The following CDKL1 variants were observed in gnomAD, a reference collection of about 807,000 sequenced individuals.
CDKL1 encodes the protein cyclin dependent kinase like 1, also known as cyclin-dependent kinase-like 1.
CDKL1 carries 41 observed loss-of-function variants against 42.0 expected under a neutral mutation model. That is an observed-to-expected ratio of 0.98 (90% CI 0.76 to 1.27). The LOEUF is 1.27. Among genes scored for constraint, CDKL1 ranks in the 50% most tolerant of loss-of-function variants. The pLI is 0.00. For missense variants in CDKL1, 394 were observed against 428.4 expected (o/e 0.92, Z 0.71); for synonymous variants, 153 against 158.6 (o/e 0.96, Z 0.26).
chr14:50,392,609 T>G (rs1012939927), intron 2 of CDKL1, among the ~76,000 whole-genome samples: 8 of 152,006 alleles, frequency 5.3e-5, no homozygotes, highest in African/African-American at 1.9e-4. Flanking sequence ...CTTCCACCTT[T>G]AGTACCTGTC....
At chr14:50,385,176 T>C (rs2139529304) in intron 2 of CDKL1, among the ~76,000 whole-genome samples, 1 of 150,916 alleles carries the variant, frequency 6.6e-6, no homozygotes, top group South Asian at 2.1e-4. Flanking sequence ...CCACAGATTA[T>C]TAATTATAAA....
At chr14:50,355,099 T>C (rs1196104728) in intron 3 of CDKL1, among the ~76,000 whole-genome samples, 1 of 152,096 alleles carries the variant, frequency 6.6e-6, no homozygotes, top group South Asian at 2.1e-4. Flanking sequence ...CTTTTTCCTA[T>C]GTCAATATAT....
At chr14:50,389,610 C>T (rs890528712) in intron 2 of CDKL1, among the ~76,000 whole-genome samples, 1 of 152,002 alleles carries the variant, frequency 6.6e-6, no homozygotes, top group African/African-American at 2.4e-5. Context: ...CACACTTATT[C>T]TCATCTTTGT....
chr14:50,334,491 C>T (rs933870637), intron 8 of CDKL1, 74 bp downstream of exon 8: 14 of 868,122 alleles, frequency 1.6e-5, no homozygotes, highest in Non-Finnish European at 2.3e-5. Context: ...CATGGATTGA[C>T]ATAAGTAATT....
rs2032787621 is a variant in CDKL1 at position 50,328,407 on chromosome 14, T to C, written c.*1667A>G. On this transcript the variant is annotated 3_prime_UTR_variant, in exon 10 of 10. Coordinates refer to ENST00000395834, the MANE Select transcript of CDKL1 (RefSeq NM_004196.7). ...AAACTGCCTAGGGTAGTCAAAATTA[T>C]TGAGTAGACACCAGACCTCAGTGGA... The C allele has an allele frequency of 1.3e-5, 2 of 152,154 alleles. No homozygotes were observed. The highest frequency in any genetic ancestry group is 2.4e-5 in the African/African-American group (1 of 41,424). The allele number at this position is 152,154 out of a possible 1,614,324, so 9.4% of individuals were successfully genotyped here. A position where few individuals can be genotyped will look rare whatever the true frequency, so the allele number is the denominator to read the frequency against.
rs948931111 is a variant in CDKL1 at position 50,364,700 on chromosome 14, A to G, written c.169-5551T>C. 9.2e-5 allele frequency among the ~76,000 whole-genome samples: 14 copies of G among 152,340 alleles called. No individual in the cohort carries two copies. In the East Asian group the frequency reaches 9.6e-4, roughly 10 times the overall value. ...AAGAAGCGCAAGGGCTGTACTGCCAATTACACACAGGCACATACAACAGGG... is the reference window on the plus strand; with the variant it reads ...AAGAAGCGCAAGGGCTGTACTGCCAGTTACACACAGGCACATACAACAGGG... On this transcript the variant is annotated intron_variant, in intron 2 of 9. Transcript: ENST00000395834.
At chr14:50,332,919 T>C in intron 8 of CDKL1, 1 of 377,424 alleles carries the variant, frequency 2.6e-6, no homozygotes. Flanking sequence ...TTTTTTTTTT[T>C]TTTTGGTGTA....
chr14:50,334,920 G>T (rs1367861376), intron 7 of CDKL1: 26 of 190,654 alleles, frequency 1.4e-4, no homozygotes, highest in South Asian at 6.0e-4. Flanking sequence ...TTTCTGAGCA[G>T]TTTTTTTTTT....
intron 5 of CDKL1, among the ~76,000 whole-genome samples, chr14:50,341,780 CAA>C (rs11381667): frequency 2.2e-4 from 28 of 129,210 alleles, no homozygotes; most frequent in Middle Eastern, 3.9e-3. Flanking sequence ...GACCCTGTCT[CAA>C]AAAAAAAAAA....
chr14:50,350,353 A>G (rs1284756642), intron 3 of CDKL1, among the ~76,000 whole-genome samples: 2 of 152,252 alleles, frequency 1.3e-5, no homozygotes, highest in East Asian at 3.8e-4. Flanking sequence ...TAGAACAGGT[A>G]TGAAGAAAAG....
chr14:50,353,575 C>A (rs994416959), intron 3 of CDKL1, among the ~76,000 whole-genome samples: 2 of 152,084 alleles, frequency 1.3e-5, no homozygotes, highest in Non-Finnish European at 2.9e-5. Context: ...TTCACTGTAG[C>A]ATGGTTAGTA....
At chr14:50,360,807 TGTGTG>T (rs2034220812) in intron 2 of CDKL1, among the ~76,000 whole-genome samples, 2 of 151,736 alleles carry the variant, frequency 1.3e-5, no homozygotes, top group Non-Finnish European at 2.9e-5. Context: ...TGTGTGTGTG[TGTGTG>T]TGTGTGTGTG....
rs914520579 is a variant in CDKL1, at chr14:50,326,561, G to C, written c.*3513C>G. On this transcript the variant is annotated 3_prime_UTR_variant, in exon 10 of 10. Coordinates refer to ENST00000395834, the MANE Select transcript of CDKL1 (RefSeq NM_004196.7). ...CATGATCCTGCATTCTTGTGTTCTT[G>C]ATAGCATACAGACTTACTCAGAATC... The C allele has an allele frequency of 2.0e-6, 2 of 985,288 alleles. No individual in the cohort carries two copies. The highest frequency in any genetic ancestry group is 2.4e-6 in the Non-Finnish European group (2 of 829,934). The allele number at this position is 985,288 out of a possible 1,614,324, so 61.0% of individuals were successfully genotyped here.
chr14:50,367,458 T>C (rs1222679224), intron 2 of CDKL1, among the ~76,000 whole-genome samples: 2 of 152,142 alleles, frequency 1.3e-5, no homozygotes, highest in African/African-American at 4.8e-5. Flanking sequence ...TAGCTGGAGG[T>C]GTCCATCATA....
At chr14:50,381,754 TTTTG>T (rs150473733) in intron 2 of CDKL1, among the ~76,000 whole-genome samples, 8,589 of 151,086 alleles carry the variant, frequency 0.057, 282 homozygotes, top group East Asian at 0.1. Context: ...CTGTGTGGTT[TTTTG>T]TTTGTTTGTT....
intron 2 of CDKL1, among the ~76,000 whole-genome samples, chr14:50,369,364 A>C (rs1193508405): frequency 6.6e-6 from 1 of 152,058 alleles, no homozygotes; most frequent in African/African-American, 2.4e-5. Context: ...CCTGATCATG[A>C]TGCCAAGTGA....
intron 3 of CDKL1, among the ~76,000 whole-genome samples, chr14:50,347,720 T>G (rs892608394): frequency 5.9e-5 from 9 of 152,078 alleles, no homozygotes; most frequent in Non-Finnish European, 1.3e-4. Context: ...GCTGGAAATA[T>G]GAGTTTGAGA....
intron 2 of CDKL1, among the ~76,000 whole-genome samples, chr14:50,361,506 G>A (rs2034245764): frequency 6.6e-6 from 1 of 152,190 alleles, no homozygotes; most frequent in African/African-American, 2.4e-5. Flanking sequence ...CAAGATCAAG[G>A]TGCTGGCACT....
intron 2 of CDKL1, chr14:50,390,082 A>G: frequency 1.9e-6 from 2 of 1,060,282 alleles, no homozygotes; most frequent in Non-Finnish European, 1.3e-6. Flanking sequence ...CTAAGTAACA[A>G]TGATACTTGG....
Sources: allele counts gnomAD v4.1 joint callset (sites outside exome capture counted in the v4.1 genomes callset), GRCh38; gene constraint gnomAD v4.1.1; transcripts MANE v1.5; gene names NCBI Gene and HGNC (gene_info 2026-07-23, HGNC 2026-07-21).